The following PDIA5 variants were observed in gnomAD, a reference collection of about 807,000 sequenced individuals.
The protein encoded by PDIA5 is protein disulfide isomerase family A member 5.
A neutral mutation model predicts 77.6 loss-of-function variants in PDIA5; 58 were observed. That is an observed-to-expected ratio of 0.75 (90% confidence interval 0.61 to 0.93). The LOEUF (loss-of-function observed/expected upper bound fraction) is 0.93, where lower values mean the gene tolerates loss of function less well. Among genes scored for constraint, PDIA5 ranks in the 40% least tolerant of loss-of-function variants. The pLI is 0.00. For missense variants in PDIA5, 630 were observed against 647.7 expected (o/e 0.97, Z 0.30); for synonymous variants, 250 against 252.1 (o/e 0.99, Z 0.08).
rs146960093 is a variant in PDIA5, at chr3:123,131,067, T to C, written c.910+451T>C. Among the ~76,000 whole-genome samples, 385 of 151,516 alleles carry C rather than the reference T, an allele frequency of 2.5e-3. 1 individual carries two copies. The highest frequency in any genetic ancestry group is 3.3e-3 in the Admixed American group (50 of 15,218). On this transcript the variant is annotated intron_variant, in intron 11 of 16. Coordinates refer to ENST00000316218, the MANE Select transcript of PDIA5 (RefSeq NM_006810.4). ...CAGGAGGATTGTTTAAGGCCAGGAG[T>C]TCAAGACCAGCCTGGGCCACATAGC...
At chr3:123,115,543 C>T (rs555638788) in intron 7 of PDIA5, among the ~76,000 whole-genome samples, 3 of 152,290 alleles carry the variant, frequency 2.0e-5, no homozygotes, top group Admixed American at 2.0e-4. Flanking sequence ...TTGTGTGGTC[C>T]AGCCTCTCTC....
At chr3:123,160,448 C>T (rs1486661784) in intron 15 of PDIA5, among the ~76,000 whole-genome samples, 2 of 152,050 alleles carry the variant, frequency 1.3e-5, no homozygotes, top group Non-Finnish European at 1.5e-5. Flanking sequence ...TTTACTCATG[C>T]GGGGCTCCTC....
intron 1 of PDIA5, among the ~76,000 whole-genome samples, chr3:123,083,124 G>A (rs181721252): frequency 2.0e-5 from 3 of 151,502 alleles, no homozygotes; most frequent in East Asian, 2.0e-4. Context: ...GAGGACCTCC[G>A]TGCCTGGCAC....
At chr3:123,128,470 T>C (rs1165616375) in intron 10 of PDIA5, among the ~76,000 whole-genome samples, 1 of 152,138 alleles carries the variant, frequency 6.6e-6, no homozygotes, top group Non-Finnish European at 1.5e-5. Context: ...AGTTTTTGAG[T>C]CAATTACATT....
intron 11 of PDIA5, among the ~76,000 whole-genome samples, chr3:123,132,594 C>T (rs78633793): frequency 0.014 from 2,061 of 152,286 alleles, 50 homozygotes; most frequent in African/African-American, 0.047. Context: ...AGGGCATCCC[C>T]GAGGGTAAAG....
intron 7 of PDIA5, among the ~76,000 whole-genome samples, chr3:123,114,044 A>C (rs890019741): frequency 1.3e-5 from 2 of 151,660 alleles, no homozygotes; most frequent in Non-Finnish European, 2.9e-5. Context: ...CTCCTGCATC[A>C]CCTCTCCCCA....
At chr3:123,106,918 A>G (rs889939849) in intron 6 of PDIA5, 77 bp downstream of exon 6, 17 of 935,412 alleles carry the variant, frequency 1.8e-5, no homozygotes, top group South Asian at 2.8e-5. Context: ...AAGGAGCCCA[A>G]CGAACTGAGA....
In PDIA5 at chr3:123,127,707, A is replaced by G. The variant is rs539581647; in HGVS notation, c.774-2773A>G. ...TGTTGGTTCTCCTCTTCAGGGCCCTAGAAAATAAATCTTAATTTCTTTTCT... is the reference window on the plus strand; with the variant it reads ...TGTTGGTTCTCCTCTTCAGGGCCCTGGAAAATAAATCTTAATTTCTTTTCT... On this transcript the variant is annotated intron_variant, in intron 10 of 16. Coordinates refer to ENST00000316218, the MANE Select transcript of PDIA5 (RefSeq NM_006810.4). Among the ~76,000 whole-genome samples the G allele has an allele frequency of 3.9e-5, 6 of 152,324 alleles. No homozygotes were observed. In the East Asian group the frequency reaches 1.2e-3, roughly 29 times the overall value.
intron 10 of PDIA5, among the ~76,000 whole-genome samples, chr3:123,128,528 A>G (rs573608990): frequency 5.9e-5 from 9 of 151,692 alleles, no homozygotes; most frequent in Admixed American, 5.9e-4. Context: ...ATTTTTTTAG[A>G]TAAGGTCTTG....
At chr3:123,146,073 C>A in intron 12 of PDIA5, 26 bp from the exon 13 acceptor site, 1 of 1,611,252 alleles carries the variant, frequency 6.2e-7, no homozygotes, top group Non-Finnish European at 8.5e-7. Context: ...GGCTGTAATG[C>A]ATGGTTGGCC....
intron 14 of PDIA5, among the ~76,000 whole-genome samples, chr3:123,152,091 GCCTTCCTGCCTT>G (rs1935925864): frequency 1.3e-4 from 3 of 23,492 alleles, no homozygotes; most frequent in South Asian, 3.0e-3. Context: ...CTTCCTTCCT[GCCTTCCTGCCTT>G]CCTTCCTTCC....
chr3:123,146,619 A>C (rs1010647483), intron 13 of PDIA5, among the ~76,000 whole-genome samples: 1 of 152,192 alleles, frequency 6.6e-6, no homozygotes, highest in Non-Finnish European at 1.5e-5. Flanking sequence ...CATTTCGTCC[A>C]GGTTTGCTAG....
chr3:123,145,721 G>T lies in PDIA5; in HGVS notation c.981+129G>T, dbSNP rs1935753417. The T allele has an allele frequency of 7.0e-6, 5 of 714,322 alleles. No individual in the cohort carries two copies. The African/African-American group carries it at 8.9e-5, about 13-fold the overall frequency. 44.2% of individuals were successfully genotyped at this position (714,322 alleles called of 1,614,324 possible). ...CCGTGGAGGCCAGCAGTACCTCTGTGTGCCCAAGTAGAACATCTTAGACAG... is the reference window on the plus strand; with the variant it reads ...CCGTGGAGGCCAGCAGTACCTCTGTTTGCCCAAGTAGAACATCTTAGACAG... On this transcript the variant is annotated intron_variant, in intron 12 of 16. Coordinates refer to ENST00000316218, the MANE Select transcript of PDIA5 (RefSeq NM_006810.4).
At chr3:123,099,285 C>G (rs1297064188) in intron 3 of PDIA5, among the ~76,000 whole-genome samples, 3 of 152,228 alleles carry the variant, frequency 2.0e-5, no homozygotes, top group African/African-American at 7.2e-5. Flanking sequence ...TTCAGCCATT[C>G]AGTCAGGTGA....
intron 6 of PDIA5, among the ~76,000 whole-genome samples, chr3:123,107,778 T>TC: frequency 6.6e-6 from 1 of 152,274 alleles, no homozygotes; most frequent in South Asian, 2.1e-4. Flanking sequence ...CTTCCTCCTC[T>TC]CCCCTTTCCT....
At position 123,146,219 on chromosome 3, in the gene PDIA5, G is replaced by T; in HGVS notation, c.1102G>T (p.Val368Leu). 1 of 1,614,152 alleles carries T rather than the reference G, an allele frequency of 6.2e-7. No homozygotes were observed. The highest frequency in any genetic ancestry group is 8.5e-7 in the Non-Finnish European group (1 of 1,179,972). The change falls in exon 13 of 17, where the codon GTG becomes TTG. Residue 368 changes from valine (V) to leucine (L), a missense_variant. By Grantham distance (32) the Val-to-Leu change is conservative. Coordinates refer to ENST00000316218, the MANE Select transcript of PDIA5 (RefSeq NM_006810.4). ...GAATGGAGAGAAATACGCAGTGCCT[G>T]TGCTCAGGACAAAGAAGAAGTTTCT... ...FKNGEKYAVP[V>L]LRTKKKFLEW...
In PDIA5 at chr3:123,102,812, T is replaced by C. The variant is rs1337741820; in HGVS notation, c.387+16T>C. 6.3e-7 allele frequency: 1 copy of C among 1,580,662 alleles called. No individual in the cohort carries two copies. The highest frequency in any genetic ancestry group is 1.1e-5 in the South Asian group (1 of 90,392). ...GACATTTAAGGTAAATTTACCTCCC[T>C]TGTTCTCAGCAATGGTGGAGTCTAA... On this transcript the variant is annotated intron_variant, in intron 5 of 16. Coordinates refer to ENST00000316218, the MANE Select transcript of PDIA5 (RefSeq NM_006810.4).
chr3:123,092,333 AT>A, intron 2 of PDIA5, 21 bp from the exon 3 acceptor site: 2 of 1,599,696 alleles, frequency 1.3e-6, no homozygotes, highest in South Asian at 1.1e-5. Flanking sequence ...CAGATGTTTA[AT>A]TTTTTGTTTT....
chr3:123,082,970 G>C (rs528272087), intron 1 of PDIA5, among the ~76,000 whole-genome samples: 2 of 152,280 alleles, frequency 1.3e-5, no homozygotes, highest in East Asian at 3.9e-4. Flanking sequence ...GGAGAAGAGA[G>C]TGGGTTTCTA....
Sources: allele counts gnomAD v4.1 joint callset (sites outside exome capture counted in the v4.1 genomes callset), GRCh38; gene constraint gnomAD v4.1.1; transcripts MANE v1.5; gene names NCBI Gene and HGNC (gene_info 2026-07-23, HGNC 2026-07-21).